SNX13: variants seen among roughly 807,000 people sequenced by gnomAD.
SNX13 encodes the protein sorting nexin 13, also known as sorting nexin-13.
In SNX13, 45 loss-of-function variants were observed where a neutral mutation model predicts 133.6. The ratio of observed to expected loss-of-function variants is 0.34; its 90% CI spans 0.27 to 0.43. The LOEUF (loss-of-function observed/expected upper bound fraction) is 0.43. Among genes scored for constraint, SNX13 ranks in the 20% least tolerant of loss-of-function variants. SNX13 has a pLI of 1.00. For missense variants in SNX13, 1,032 were observed against 1,145.1 expected, an observed-to-expected ratio of 0.90 and a Z score of 1.43; for synonymous variants, 414 against 373.9, an observed-to-expected ratio of 1.11 and a Z score of -1.24.
chr7:17,904,987 G>C (rs553192466), intron 1 of SNX13, among the ~76,000 whole-genome samples: 1 of 152,146 alleles, frequency 6.6e-6, no homozygotes, highest in South Asian at 2.1e-4. Context: ...AGTGAAATGA[G>C]GGAAGGAATG....
chr7:17,876,886 C>G (rs773013004), intron 5 of SNX13, among the ~76,000 whole-genome samples: 6 of 151,240 alleles, frequency 4.0e-5, no homozygotes, highest in Admixed American at 1.3e-4. Context: ...AATTAATTCA[C>G]CCAGGAACAT....
intron 1 of SNX13, among the ~76,000 whole-genome samples, chr7:17,938,516 T>A (rs1802372693): frequency 6.6e-6 from 1 of 152,236 alleles, no homozygotes; most frequent in African/African-American, 2.4e-5. Context: ...CAGAATGGGC[T>A]AGGTGGCAAC....
At chr7:17,853,450 G>A (rs1044830088) in intron 9 of SNX13, among the ~76,000 whole-genome samples, 2 of 152,152 alleles carry the variant, frequency 1.3e-5, no homozygotes, top group African/African-American at 2.4e-5. Context: ...GTAAAAAGAT[G>A]CATTACATAG....
At chr7:17,867,394 C>T (rs774932128) in intron 9 of SNX13, among the ~76,000 whole-genome samples, 39 of 152,180 alleles carry the variant, frequency 2.6e-4, no homozygotes, top group Non-Finnish European at 5.0e-4. Context: ...ATCGCTTGAG[C>T]TCAGGAGTTC....
Position 17,897,379 on chromosome 7 carries a change from A to G in SNX13, c.80T>C (p.Phe27Ser), listed in dbSNP as rs1406571954. The G allele has an allele frequency of 6.3e-7, 1 of 1,595,872 alleles. No individual in the cohort carries two copies. Among genetic ancestry groups the G allele is most frequent in the South Asian group, 1.1e-5 (1 of 87,358 alleles). ...ATAAAATGTCAAATAAAATATTACA[A>G]AGGGTCCAAAGGTTATCAGAAAAAG... ...IVLFLITFGP[F>S]VIFYLTFYIL... The change falls in exon 2 of 26, where the codon TTT becomes TCT. Residue 27 changes from phenylalanine (F) to serine (S), a missense_variant. Coordinates refer to ENST00000428135, the MANE Select transcript of SNX13 (RefSeq NM_015132.5).
At chr7:17,913,531 C>T (rs1187502887) in intron 1 of SNX13, among the ~76,000 whole-genome samples, 1 of 152,092 alleles carries the variant, frequency 6.6e-6, no homozygotes, top group African/African-American at 2.4e-5. Context: ...GGACTGCAGC[C>T]TAAATCATAA....
At chr7:17,850,211 G>T in intron 11 of SNX13, 136 bp downstream of exon 11, 1 of 410,422 alleles carries the variant, frequency 2.4e-6, no homozygotes, top group African/African-American at 2.0e-5. Context: ...CATTGTAGAA[G>T]AGAAAACTCT....
At chr7:17,841,592 A>ACACACC (rs1184950773) in intron 12 of SNX13, among the ~76,000 whole-genome samples, 3 of 143,174 alleles carry the variant, frequency 2.1e-5, no homozygotes, top group African/African-American at 7.5e-5. Context: ...ACGCACACAC[A>ACACACC]CCCCAAGGCA....
At chr7:17,915,120 C>A (rs945564309) in intron 1 of SNX13, among the ~76,000 whole-genome samples, 1 of 152,108 alleles carries the variant, frequency 6.6e-6, no homozygotes, top group African/African-American at 2.4e-5. Flanking sequence ...TAAAAAAGGA[C>A]AAAGAAGAGC....
At chr7:17,938,279 G>C (rs1250091951) in intron 1 of SNX13, among the ~76,000 whole-genome samples, 1 of 152,192 alleles carries the variant, frequency 6.6e-6, no homozygotes, top group Non-Finnish European at 1.5e-5. Context: ...TATCAAGAGA[G>C]CTGAAAACTA....
chr7:17,798,620 A>G, intron 24 of SNX13, 70 bp downstream of exon 24: 1 of 1,174,222 alleles, frequency 8.5e-7, no homozygotes, highest in South Asian at 1.4e-5. Context: ...AAAAGCAATG[A>G]AAGTTAATTA....
In SNX13 at chr7:17,840,019, T is replaced by C. The variant is rs1489679633; in HGVS notation, c.1166-19A>G. On this transcript the variant is annotated intron_variant, in intron 12 of 25. Coordinates refer to ENST00000428135, the MANE Select transcript of SNX13 (RefSeq NM_015132.5). ...ATGTAATCTAGCAATCAAAAATCCATAATAACATAAATATTAGTGTCACAC... is the reference window on the plus strand; with the variant it reads ...ATGTAATCTAGCAATCAAAAATCCACAATAACATAAATATTAGTGTCACAC... 1.9e-6 allele frequency: 3 copies of C among 1,597,962 alleles called. No homozygotes were observed. The highest frequency in any genetic ancestry group is 1.4e-5 in the African/African-American group (1 of 74,064).
At chr7:17,908,546 A>T (rs1715859284) in intron 1 of SNX13, among the ~76,000 whole-genome samples, 1 of 152,168 alleles carries the variant, frequency 6.6e-6, no homozygotes, top group Non-Finnish European at 1.5e-5. Context: ...CTTCCCAAAT[A>T]TATTTTTCAT....
At chr7:17,927,039 T>C (rs960933049) in intron 1 of SNX13, among the ~76,000 whole-genome samples, 1 of 152,110 alleles carries the variant, frequency 6.6e-6, no homozygotes, top group African/African-American at 2.4e-5. Context: ...AAGAATGTAA[T>C]TTTTCACCTA....
intron 17 of SNX13, among the ~76,000 whole-genome samples, chr7:17,824,998 GACCTCGTGATCC>G (rs1787724112): frequency 6.6e-6 from 1 of 152,080 alleles, no homozygotes; most frequent in Admixed American, 6.6e-5. Context: ...TCAATATCTT[GACCTCGTGATCC>G]GCCTGCCTCA....
intron 17 of SNX13, among the ~76,000 whole-genome samples, chr7:17,825,437 G>T (rs1328629451): frequency 6.6e-6 from 1 of 152,128 alleles, no homozygotes; most frequent in Non-Finnish European, 1.5e-5. Context: ...TAAGAGGTCA[G>T]ATAAGAAAAC....
intron 12 of SNX13, among the ~76,000 whole-genome samples, chr7:17,841,976 AAAG>A (rs1361863076): frequency 6.6e-6 from 1 of 152,070 alleles, no homozygotes; most frequent in African/African-American, 2.4e-5. Context: ...GTAAAAATAC[AAAG>A]AAGAGTAAAC....
intron 1 of SNX13, among the ~76,000 whole-genome samples, chr7:17,904,716 TG>T (rs2128009032): frequency 6.6e-6 from 1 of 152,330 alleles, no homozygotes; most frequent in Admixed American, 6.5e-5. Context: ...ACTACTTCAG[TG>T]CCAACTTGAG....
At chr7:17,932,944 T>C (rs1212303522) in intron 1 of SNX13, among the ~76,000 whole-genome samples, 2 of 152,228 alleles carry the variant, frequency 1.3e-5, no homozygotes, top group African/African-American at 4.8e-5. Flanking sequence ...TTAGCGCTGA[T>C]AGTGATTTCT....
Sources: gnomAD v4.1 joint callset for allele counts (sites outside exome capture counted in the v4.1 genomes callset) on GRCh38, gnomAD v4.1.1 for gene constraint, MANE v1.5 for transcripts, NCBI Gene and HGNC (gene_info 2026-07-23, HGNC 2026-07-21) for gene names.